The following PSMD11 variants were observed in gnomAD, a reference collection of about 807,000 sequenced individuals.
PSMD11 encodes the protein 26S proteasome non-ATPase regulatory subunit 11.
In PSMD11, 5 loss-of-function variants were observed where a neutral mutation model predicts 62.3. That is an observed-to-expected ratio of 0.08 (90% CI 0.04 to 0.17). The LOEUF is 0.17. Among genes scored for constraint, PSMD11 ranks in the 10% least tolerant of loss-of-function variants. The pLI is 1.00. For synonymous variants in PSMD11, 191 were observed against 191.8 expected (o/e 1.00, Z 0.03); for missense variants, 310 against 512.9 (o/e 0.60, Z 3.82).
At chr17:32,470,556 G>A (rs754731619) in intron 6 of PSMD11, among the ~76,000 whole-genome samples, 5 of 152,156 alleles carry the variant, frequency 3.3e-5, no homozygotes, top group Non-Finnish European at 5.9e-5. Context: ...CAAAGTGCTA[G>A]GATTATAGGC....
intron 5 of PSMD11, among the ~76,000 whole-genome samples, chr17:32,466,267 G>T (rs1396051989): frequency 1.3e-5 from 2 of 152,172 alleles, no homozygotes; most frequent in African/African-American, 4.8e-5. Flanking sequence ...AAAGTACTGG[G>T]ATTACAGGTG....
intron 7 of PSMD11, among the ~76,000 whole-genome samples, chr17:32,474,320 T>A (rs1908257398): frequency 6.6e-6 from 1 of 152,192 alleles, no homozygotes; most frequent in Non-Finnish European, 1.5e-5. Flanking sequence ...AGGAGAGGTT[T>A]GAAAAAGTGG....
At chr17:32,450,834 G>A (rs1201890725) in intron 2 of PSMD11, among the ~76,000 whole-genome samples, 1 of 152,020 alleles carries the variant, frequency 6.6e-6, no homozygotes, top group Non-Finnish European at 1.5e-5. Flanking sequence ...GAGGTGGGAG[G>A]ATTGCTTGAA....
At chr17:32,459,632 C>T (rs1907764871) in intron 3 of PSMD11, among the ~76,000 whole-genome samples, 2 of 152,212 alleles carry the variant, frequency 1.3e-5, no homozygotes, top group Non-Finnish European at 2.9e-5. Context: ...CTCAAGGTCT[C>T]TGACTTGGGG....
chr17:32,462,916 G>A (rs538176378), intron 3 of PSMD11, among the ~76,000 whole-genome samples: 16 of 152,246 alleles, frequency 1.1e-4, no homozygotes, highest in South Asian at 6.2e-4. Context: ...TTGAACTCCC[G>A]ACCTCAGGTG....
intron 5 of PSMD11, among the ~76,000 whole-genome samples, chr17:32,467,716 A>G (rs775388236): frequency 3.3e-5 from 5 of 152,210 alleles, no homozygotes; most frequent in African/African-American, 4.8e-5. Flanking sequence ...GGCTCCAGCA[A>G]TCCTCCTGCC....
At chr17:32,451,861 G>C (rs1907511117) in intron 2 of PSMD11, among the ~76,000 whole-genome samples, 1 of 151,902 alleles carries the variant, frequency 6.6e-6, no homozygotes, top group Admixed American at 6.6e-5. Context: ...GCCTCAGCCC[G>C]CCAAGTAACT....
At chr17:32,471,876 GTTTT>G (rs529915741) in intron 6 of PSMD11, among the ~76,000 whole-genome samples, 1 of 144,446 alleles carries the variant, frequency 6.9e-6, no homozygotes, top group Admixed American at 6.9e-5. Context: ...CTTTGGGCAG[GTTTT>G]TTTTTTTTTA....
chr17:32,446,335 C>T (rs868552989), intron 1 of PSMD11, among the ~76,000 whole-genome samples: 10 of 152,070 alleles, frequency 6.6e-5, no homozygotes, highest in Middle Eastern at 3.2e-3. Context: ...TTTAACAGAC[C>T]TCAATGCATT....
chr17:32,470,183 T>C (rs2013922803), intron 6 of PSMD11, among the ~76,000 whole-genome samples: 1 of 152,032 alleles, frequency 6.6e-6, no homozygotes, highest in South Asian at 2.1e-4. Context: ...AAGCTAACTT[T>C]TTGTAGAGAT....
chr17:32,480,115 T>C (rs1015066309), intron 11 of PSMD11, 31 bp from the exon 12 acceptor site: 1 of 1,605,776 alleles, frequency 6.2e-7, no homozygotes, highest in Non-Finnish European at 8.5e-7. Flanking sequence ...TAGTGGATAC[T>C]GGTCCCTTTA....
At chr17:32,475,933 C>G (rs910029029) in intron 8 of PSMD11, among the ~76,000 whole-genome samples, 4 of 151,848 alleles carry the variant, frequency 2.6e-5, no homozygotes, top group Non-Finnish European at 5.9e-5. Flanking sequence ...CTCTTGAGGT[C>G]AAAACCAGGA....
chr17:32,477,213 C>T (rs1908353749), intron 8 of PSMD11: 3 of 280,266 alleles, frequency 1.1e-5, no homozygotes, highest in African/African-American at 6.5e-5. Context: ...GAAGAAATCA[C>T]AGTTCTCTTG....
chr17:32,471,873 C>G (rs1461831947), intron 6 of PSMD11, among the ~76,000 whole-genome samples: 1 of 151,678 alleles, frequency 6.6e-6, no homozygotes, highest in Non-Finnish European at 1.5e-5. Context: ...TGACTTTGGG[C>G]AGGTTTTTTT....
intron 9 of PSMD11, 83 bp downstream of exon 9, chr17:32,477,666 T>C (rs1908368762): frequency 2.3e-6 from 3 of 1,289,330 alleles, no homozygotes; most frequent in African/African-American, 1.5e-5. Context: ...TTAAAAATAA[T>C]TATAGTTTCA....
chr17:32,444,602 C>T lies in PSMD11; in HGVS notation c.79C>T (p.Leu27Phe). 1 of 1,611,800 alleles carries T rather than the reference C, an allele frequency of 6.2e-7. No individual in the cohort carries two copies. Among genetic ancestry groups the T allele is most frequent in the Non-Finnish European group, 8.5e-7 (1 of 1,179,346 alleles). ...STDREASIDI[L>F]HSIVKRDIQE... ...CGACCGGGAGGCCTCCATCGACATC[C>T]TCCACTCCATCGGTAAAGGTCGCCG... The change falls in exon 1 of 14, where the codon CTC becomes TTC. Residue 27 changes from leucine to phenylalanine, a missense_variant. By Grantham distance (22) the Leu-to-Phe change is conservative. This residue lies in a region of PSMD11 where 50 missense variants were observed against 94.4 expected (regional missense o/e 0.53). Transcript: ENST00000261712.
intron 10 of PSMD11, 171 bp downstream of exon 10, chr17:32,479,547 T>C: frequency 1.0e-6 from 1 of 996,276 alleles, no homozygotes. Flanking sequence ...AGGAGAGAGA[T>C]GCTGTGGGTA....
chr17:32,477,663 T>C, intron 9 of PSMD11, 80 bp downstream of exon 9: 2 of 1,299,648 alleles, frequency 1.5e-6, no homozygotes, highest in Non-Finnish European at 1.1e-6. Flanking sequence ...CTTTTAAAAA[T>C]AATTATAGTT....
chr17:32,458,942 A>G (rs1907727841), intron 3 of PSMD11, among the ~76,000 whole-genome samples: 1 of 151,494 alleles, frequency 6.6e-6, no homozygotes, highest in South Asian at 2.1e-4. Flanking sequence ...ATTTTTTACA[A>G]AAATTAGCCA....
Sources: gnomAD v4.1 joint callset for allele counts (sites outside exome capture counted in the v4.1 genomes callset) on GRCh38, gnomAD v4.1.1 for gene constraint, gnomAD v4.1.1 regional missense constraint, MANE v1.5 for transcripts, NCBI Gene and HGNC (gene_info 2026-07-23, HGNC 2026-07-21) for gene names.